The following CLSTN2 variants were observed in gnomAD, a reference collection of about 807,000 sequenced individuals.
CLSTN2 encodes the protein calsyntenin 2, also known as calsyntenin-2.
A neutral mutation model predicts 101.2 loss-of-function variants in CLSTN2; 48 were observed. The observed-to-expected ratio is 0.47, with a 90% CI of 0.38 to 0.60. CLSTN2 has a LOEUF of 0.60. Among genes scored for constraint, CLSTN2 ranks in the 20% least tolerant of loss-of-function variants. CLSTN2 has a pLI of 0.00. For synonymous variants in CLSTN2, 481 were observed against 463.6 expected, an observed-to-expected ratio of 1.04 and a Z score of -0.48; for missense variants, 1,160 against 1,238.2, an observed-to-expected ratio of 0.94 and a Z score of 0.95.
At chr3:140,206,084 C>T (rs1237902008) in intron 2 of CLSTN2, among the ~76,000 whole-genome samples, 1 of 152,184 alleles carries the variant, frequency 6.6e-6, no homozygotes, top group African/African-American at 2.4e-5. Context: ...AACTTCAGAA[C>T]ATTTGCTTTA....
chr3:139,937,164 G>A (rs1028251151), intron 1 of CLSTN2, among the ~76,000 whole-genome samples: 2 of 152,180 alleles, frequency 1.3e-5, no homozygotes, highest in Admixed American at 1.3e-4. Context: ...ATAAGCAGAT[G>A]TCTGCAAACG....
chr3:140,269,913 CA>C (rs1466966248), intron 2 of CLSTN2, among the ~76,000 whole-genome samples: 2 of 151,816 alleles, frequency 1.3e-5, no homozygotes, highest in Non-Finnish European at 2.9e-5. Context: ...ACACTTATCT[CA>C]GAGAGGTTTT....
intron 1 of CLSTN2, among the ~76,000 whole-genome samples, chr3:140,151,808 T>C (rs2009870817): frequency 6.6e-6 from 1 of 152,260 alleles, no homozygotes; most frequent in African/African-American, 2.4e-5. Context: ...CAGCCCCACT[T>C]GTCCCAAGAC....
intron 1 of CLSTN2, among the ~76,000 whole-genome samples, chr3:140,029,935 A>G (rs1390794206): frequency 6.6e-6 from 1 of 152,160 alleles, no homozygotes; most frequent in East Asian, 1.9e-4. Flanking sequence ...GATGCCCTAT[A>G]GAGGCCCCAG....
chr3:140,168,566 T>G (rs2010167551), intron 1 of CLSTN2, among the ~76,000 whole-genome samples: 1 of 152,120 alleles, frequency 6.6e-6, no homozygotes, highest in South Asian at 2.1e-4. Context: ...TGGAGCCTTC[T>G]AATCTAACCC....
At chr3:140,427,231 A>ATATATATATG (rs2088581132) in intron 5 of CLSTN2, among the ~76,000 whole-genome samples, 7 of 102,208 alleles carry the variant, frequency 6.8e-5, no homozygotes, top group African/African-American at 4.0e-4. Context: ...ATATGTGTGT[A>ATATATATATG]TATATATATA....
intron 2 of CLSTN2, among the ~76,000 whole-genome samples, chr3:140,359,190 T>G (rs2087702890): frequency 6.6e-6 from 1 of 150,926 alleles, no homozygotes; most frequent in Non-Finnish European, 1.5e-5. Context: ...AGACCCTAAA[T>G]TCTTCAGAAT....
intron 2 of CLSTN2, among the ~76,000 whole-genome samples, chr3:140,306,847 T>TA (rs1172879597): frequency 1.7e-4 from 20 of 117,216 alleles, no homozygotes; most frequent in Non-Finnish European, 3.3e-4. Flanking sequence ...ATTTTTGTCT[T>TA]TTTATTATTA....
At chr3:140,466,337 G>A (rs1270583698) in intron 7 of CLSTN2, among the ~76,000 whole-genome samples, 1 of 152,196 alleles carries the variant, frequency 6.6e-6, no homozygotes, top group Non-Finnish European at 1.5e-5. Context: ...GACTGATGCA[G>A]TATCTGAGTA....
At chr3:140,122,238 C>T (rs867196346) in intron 1 of CLSTN2, among the ~76,000 whole-genome samples, 5 of 152,278 alleles carry the variant, frequency 3.3e-5, no homozygotes, top group South Asian at 2.1e-4. Flanking sequence ...AGACACCTAT[C>T]CCCACTACAG....
At chr3:140,378,331 ACTGCAAAGCCAT>A (rs2087942609) in intron 2 of CLSTN2, among the ~76,000 whole-genome samples, 1 of 152,226 alleles carries the variant, frequency 6.6e-6, no homozygotes, top group Admixed American at 6.5e-5. Context: ...TGATGAATAA[ACTGCAAAGCCAT>A]CTGGCTCTAA....
intron 1 of CLSTN2, among the ~76,000 whole-genome samples, chr3:140,144,592 G>A (rs559582124): frequency 7.9e-5 from 12 of 152,006 alleles, no homozygotes; most frequent in Non-Finnish European, 1.2e-4. Flanking sequence ...CTCCAGCCTG[G>A]GCATCAGAGC....
In CLSTN2 at chr3:140,568,463, T is replaced by C. The variant is rs1017035299; in HGVS notation, c.*2210T>C. ...TGGAAACAGATATTTCTCCTGGGAA[T>C]TCTCCCAACCAAATAGCCCTTTTCT... On this transcript the variant is annotated 3_prime_UTR_variant, in exon 17 of 17. Coordinates refer to ENST00000458420, the MANE Select transcript of CLSTN2 (RefSeq NM_022131.3). 6.6e-6 allele frequency: 1 copy of C among 152,200 alleles called. No homozygotes were observed. Among genetic ancestry groups the C allele is most frequent in the African/African-American group, 2.4e-5 (1 of 41,452 alleles). The allele number at this position is 152,200 out of a possible 1,614,324, so 9.4% of individuals were successfully genotyped here. A position where few individuals can be genotyped will look rare whatever the true frequency, so the allele number is the denominator to read the frequency against.
At chr3:140,051,426 G>A (rs1030971799) in intron 1 of CLSTN2, among the ~76,000 whole-genome samples, 6 of 152,146 alleles carry the variant, frequency 3.9e-5, no homozygotes, top group African/African-American at 1.2e-4. Context: ...TCCATCCTCA[G>A]CATGGTCGCT....
At chr3:139,937,219 G>A (rs1935038596) in intron 1 of CLSTN2, among the ~76,000 whole-genome samples, 1 of 152,118 alleles carries the variant, frequency 6.6e-6, no homozygotes, top group Non-Finnish European at 1.5e-5. Flanking sequence ...TGCAGAACAG[G>A]GAAGAAATCA....
chr3:140,044,762 G>A (rs1265525328), intron 1 of CLSTN2, among the ~76,000 whole-genome samples: 1 of 152,132 alleles, frequency 6.6e-6, no homozygotes, highest in Non-Finnish European at 1.5e-5. Context: ...TTTGTCGAAG[G>A]CCTTTTCTGC....
Position 140,123,525 on chromosome 3 carries a change from G to C in CLSTN2, c.110-52426G>C, listed in dbSNP as rs147703499. On this transcript the variant is annotated intron_variant, in intron 1 of 16. Transcript: ENST00000458420. ...TCTAGAGCATGCGGGATACCTCAGA[G>C]GTCAAAGTAATCAGGGATCCTTGCC... Among the ~76,000 whole-genome samples the C allele has an allele frequency of 5.4e-3, 818 of 152,232 alleles. 4 individuals carry two copies. Among genetic ancestry groups the C allele is most frequent in the Middle Eastern group, 0.01 (3 of 294 alleles).
At chr3:140,265,098 A>AT (rs780601671) in intron 2 of CLSTN2, among the ~76,000 whole-genome samples, 1 of 152,186 alleles carries the variant, frequency 6.6e-6, no homozygotes, top group Admixed American at 6.5e-5. Context: ...TACTGTTGTT[A>AT]TTTTTAGAGG....
chr3:140,544,432 A>G (rs1003233673), intron 9 of CLSTN2, among the ~76,000 whole-genome samples: 13 of 152,214 alleles, frequency 8.5e-5, no homozygotes, highest in Non-Finnish European at 1.9e-4. Context: ...ACAAGAAGCT[A>G]TAGCCCAGTG....
Sources: allele counts gnomAD v4.1 joint callset (sites outside exome capture counted in the v4.1 genomes callset), GRCh38; gene constraint gnomAD v4.1.1; transcripts MANE v1.5; gene names NCBI Gene and HGNC (gene_info 2026-07-23, HGNC 2026-07-21).